Variants in ZNF385B observed in about 807,000 individuals in gnomAD.
ZNF385B encodes the protein zinc finger protein 533.
Under a neutral mutation model 39.2 loss-of-function variants are expected in ZNF385B, and 23 were observed. That is an observed-to-expected ratio of 0.59 (90% confidence interval 0.42 to 0.83). The LOEUF is 0.83. Among genes scored for constraint, ZNF385B ranks in the 40% least tolerant of loss-of-function variants. ZNF385B has a pLI of 0.00. For missense variants in ZNF385B, 552 were observed against 598.9 expected (o/e 0.92, Z 0.82); for synonymous variants, 205 against 222.6 (o/e 0.92, Z 0.70).
chr2:179,582,997 G>A (rs1459780190), intron 3 of ZNF385B, among the ~76,000 whole-genome samples: 1 of 152,178 alleles, frequency 6.6e-6, no homozygotes, highest in African/African-American at 2.4e-5. Context: ...TTACAGGCAT[G>A]AGCCATCTCG....
In ZNF385B at chr2:179,486,863, C is replaced by A. The variant is rs371552110; in HGVS notation, c.553-3429G>T. 4.7e-4 allele frequency among the ~76,000 whole-genome samples: 72 copies of A among 152,162 alleles called. No individual in the cohort carries two copies. The East Asian group carries it at 9.3e-3, about 20-fold the overall frequency. On this transcript the variant is annotated intron_variant, in intron 5 of 9. Transcript: ENST00000410066. ...CCTGGGAAGTCGAGGCTGTAGTGAG[C>A]CCTGATTGTGCCACTGCACTCTGGC...
At chr2:179,841,848 G>A (rs773914770) in intron 1 of ZNF385B, among the ~76,000 whole-genome samples, 2 of 152,190 alleles carry the variant, frequency 1.3e-5, no homozygotes, top group Non-Finnish European at 2.9e-5. Flanking sequence ...CCTAGAACCA[G>A]ATGAGATTAA....
intron 3 of ZNF385B, among the ~76,000 whole-genome samples, chr2:179,576,449 T>C (rs1685828189): frequency 6.6e-6 from 1 of 152,190 alleles, no homozygotes; most frequent in Non-Finnish European, 1.5e-5. Context: ...CTTCATCATG[T>C]CATTTACACT....
Position 179,548,911 on chromosome 2 carries a change from A to C in ZNF385B, c.299-3942T>G, listed in dbSNP as rs187766063. Among the ~76,000 whole-genome samples, 268 of 149,504 alleles carry C rather than the reference A, an allele frequency of 1.8e-3. 33 individuals are homozygous for C. The highest frequency in any genetic ancestry group is 6.5e-3 in the African/African-American group (257 of 39,718). ...AACCATCACCACAATCAATTTTAGA[A>C]CATTTTCATGACATCTAAGGGAAAC... On this transcript the variant is annotated intron_variant, in intron 3 of 9. Transcript: ENST00000410066.
chr2:179,828,099 C>T (rs1707780540), intron 1 of ZNF385B, among the ~76,000 whole-genome samples: 1 of 151,840 alleles, frequency 6.6e-6, no homozygotes, highest in Admixed American at 6.6e-5. Flanking sequence ...ATTTATTTAT[C>T]TAGTCTACTA....
At chr2:179,770,139 C>G (rs991601044) in intron 2 of ZNF385B, among the ~76,000 whole-genome samples, 9 of 152,112 alleles carry the variant, frequency 5.9e-5, no homozygotes, top group Non-Finnish European at 7.4e-5. Context: ...TCATGAAACC[C>G]TTTCTGACCC....
At chr2:179,665,653 A>AAAATAATTGTATTATGTC (rs1695049525) in intron 3 of ZNF385B, among the ~76,000 whole-genome samples, 1 of 152,196 alleles carries the variant, frequency 6.6e-6, no homozygotes, top group Non-Finnish European at 1.5e-5. Flanking sequence ...TGGACACATC[A>AAAATAATTGTATTATGTC]AAATAATTGT....
At chr2:179,757,551 C>T (rs1034388121) in intron 3 of ZNF385B, among the ~76,000 whole-genome samples, 5 of 152,176 alleles carry the variant, frequency 3.3e-5, no homozygotes, top group African/African-American at 7.2e-5. Flanking sequence ...CTATGCCCTG[C>T]CCCCAGAGGT....
At chr2:179,470,492 G>A (rs1024903470) in intron 6 of ZNF385B, among the ~76,000 whole-genome samples, 1 of 150,682 alleles carries the variant, frequency 6.6e-6, no homozygotes, top group South Asian at 2.1e-4. Flanking sequence ...TGGCCCCCCC[G>A]GGCTATGGTG....
intron 6 of ZNF385B, among the ~76,000 whole-genome samples, chr2:179,462,479 C>T (rs1176256545): frequency 2.0e-5 from 3 of 152,032 alleles, no homozygotes; most frequent in African/African-American, 7.3e-5. Context: ...TGTTCGTCTC[C>T]TCCTTACCTA....
chr2:179,493,490 A>T (rs904053465), intron 5 of ZNF385B, among the ~76,000 whole-genome samples: 1 of 36,272 alleles, frequency 2.8e-5, no homozygotes, highest in Admixed American at 3.3e-4. Context: ...CATATGTATA[A>T]ACGTGTGTGT....
chr2:179,564,424 C>G lies in ZNF385B; in HGVS notation c.299-19455G>C, dbSNP rs182559419. Reference sequence around the variant, plus strand: ...ATCTCTTACCTAGCTAAGTCATCACCTTGAGTTAGTTAATACAGCCCGCCC... The same window carrying G: ...ATCTCTTACCTAGCTAAGTCATCACGTTGAGTTAGTTAATACAGCCCGCCC... On this transcript the variant is annotated intron_variant, in intron 3 of 9. Transcript: ENST00000410066. 5.9e-4 allele frequency among the ~76,000 whole-genome samples: 90 copies of G among 152,230 alleles called. 1 individual carries two copies. The highest frequency in any genetic ancestry group is 2.1e-3 in the African/African-American group (87 of 41,540).
chr2:179,787,434 A>G (rs1427687885), intron 1 of ZNF385B, among the ~76,000 whole-genome samples: 4 of 152,090 alleles, frequency 2.6e-5, no homozygotes, highest in Non-Finnish European at 5.9e-5. Context: ...AATATCTCTT[A>G]ATATTGGTAT....
At chr2:179,769,167 G>A (rs1261515153) in intron 3 of ZNF385B, among the ~76,000 whole-genome samples, 2 of 152,184 alleles carry the variant, frequency 1.3e-5, no homozygotes, top group Non-Finnish European at 2.9e-5. Context: ...CTAATTTTAA[G>A]AGAGGGAAAA....
chr2:179,602,524 T>G (rs1329415985), intron 3 of ZNF385B, among the ~76,000 whole-genome samples: 3 of 152,128 alleles, frequency 2.0e-5, no homozygotes, highest in Non-Finnish European at 4.4e-5. Flanking sequence ...TTAAAATAAT[T>G]ATGAACATTC....
chr2:179,582,880 G>A (rs1038949816), intron 3 of ZNF385B, among the ~76,000 whole-genome samples: 8 of 151,990 alleles, frequency 5.3e-5, no homozygotes, highest in East Asian at 1.9e-4. Flanking sequence ...ATGGAGTTTC[G>A]CTGTTATTGC....
intron 3 of ZNF385B, among the ~76,000 whole-genome samples, chr2:179,736,847 G>A (rs1701792970): frequency 6.6e-6 from 1 of 152,132 alleles, no homozygotes; most frequent in Non-Finnish European, 1.5e-5. Context: ...GTGAGCACCT[G>A]TAGTCCCAGC....
chr2:179,719,925 G>A (rs1215974223), intron 3 of ZNF385B, among the ~76,000 whole-genome samples: 5 of 152,188 alleles, frequency 3.3e-5, no homozygotes, highest in African/African-American at 1.2e-4. Context: ...ACCATCCAAG[G>A]AAGCTGAGGT....
chr2:179,682,231 A>T (rs1697575119), intron 3 of ZNF385B, among the ~76,000 whole-genome samples: 1 of 151,656 alleles, frequency 6.6e-6, no homozygotes, highest in Non-Finnish European at 1.5e-5. Flanking sequence ...CCTTTCTGTG[A>T]CTCTCTTCTC....
Sources: gnomAD v4.1 joint callset for allele counts (sites outside exome capture counted in the v4.1 genomes callset) on GRCh38, gnomAD v4.1.1 for gene constraint, MANE v1.5 for transcripts, NCBI Gene and HGNC (gene_info 2026-07-23, HGNC 2026-07-21) for gene names.